Variants in NRG1 observed in about 807,000 individuals in gnomAD.
The protein encoded by NRG1 is pro-neuregulin-1, membrane-bound isoform.
In NRG1, 18 loss-of-function variants were observed where a neutral mutation model predicts 63.8. That is an observed-to-expected ratio of 0.28 (90% CI 0.19 to 0.42). The LOEUF is 0.42. Among genes scored for constraint, NRG1 ranks in the 10% least tolerant of loss-of-function variants. NRG1 has a pLI of 1.00. For missense variants in NRG1, 762 were observed against 814.7 expected (o/e 0.94, Z 0.79); for synonymous variants, 302 against 301.3 (o/e 1.00, Z -0.02).
intron 1 of NRG1, among the ~76,000 whole-genome samples, chr8:32,062,899 G>A (rs919759935): frequency 6.6e-6 from 1 of 151,970 alleles, no homozygotes; most frequent in Non-Finnish European, 1.5e-5. Flanking sequence ...TTTTGGTACT[G>A]TGTATTAGGT....
intron 1 of NRG1, among the ~76,000 whole-genome samples, chr8:32,044,661 G>A (rs575254071): frequency 4.6e-5 from 7 of 150,832 alleles, no homozygotes; most frequent in Non-Finnish European, 8.9e-5. Context: ...AGATGCCAGG[G>A]GAAAAAAATT....
chr8:32,518,374 A>G (rs949470827), intron 1 of NRG1, among the ~76,000 whole-genome samples: 11 of 152,210 alleles, frequency 7.2e-5, no homozygotes, highest in Non-Finnish European at 1.3e-4. Flanking sequence ...AGAAAATTCT[A>G]TTTTGAAATC....
chr8:32,379,661 T>C (rs563761370), intron 1 of NRG1, among the ~76,000 whole-genome samples: 1 of 152,332 alleles, frequency 6.6e-6, no homozygotes, highest in South Asian at 2.1e-4. Context: ...CACTGTAAGA[T>C]TGACATAGAC....
At chr8:32,069,309 A>G (rs549529764) in intron 1 of NRG1, among the ~76,000 whole-genome samples, 3 of 152,324 alleles carry the variant, frequency 2.0e-5, no homozygotes, top group Admixed American at 1.3e-4. Flanking sequence ...GGAATAAAGC[A>G]TATGTTATGG....
rs773398472 is a variant in NRG1, at chr8:32,196,943, CTTTTTTTTTTTTTT to C, written c.38-398864_38-398851del. ...CTACCAGGCCTGTTCTCAGAACATTCTTTTTTTTTTTTTTTTTTTTTTTTTTTTTTTTTTAAGAT... is the reference window on the plus strand; with the variant it reads ...CTACCAGGCCTGTTCTCAGAACATTCTTTTTTTTTTTTTTTTTTTTAAGAT... On this transcript the variant is annotated intron_variant, in intron 1 of 10. Transcript: ENST00000519301. Among the ~76,000 whole-genome samples, 29 of 27,440 alleles carry C rather than the reference CTTTTTTTTTTTTTT, an allele frequency of 1.1e-3. 1 individual carries two copies. Among genetic ancestry groups the C allele is most frequent in the Admixed American group, 4.7e-3 (6 of 1,268 alleles). The allele number at this position is 27,440 out of a possible 152,430, so 18.0% of individuals were successfully genotyped here. A position where few individuals can be genotyped will look rare whatever the true frequency, so the allele number is the denominator to read the frequency against.
intron 1 of NRG1, among the ~76,000 whole-genome samples, chr8:31,906,418 A>G (rs534042886): frequency 6.6e-6 from 1 of 152,178 alleles, no homozygotes; most frequent in Admixed American, 6.5e-5. Context: ...TGGAAGCTGG[A>G]GATGGAGATC....
At chr8:31,880,731 T>A (rs186234996) in intron 1 of NRG1, among the ~76,000 whole-genome samples, 1 of 152,356 alleles carries the variant, frequency 6.6e-6, no homozygotes, top group East Asian at 1.9e-4. Context: ...AGTTATTTTT[T>A]AAATATGAGA....
intron 5 of NRG1, among the ~76,000 whole-genome samples, chr8:32,726,523 C>T (rs112834513): frequency 6.6e-6 from 1 of 151,916 alleles, no homozygotes; most frequent in Admixed American, 6.6e-5. Context: ...TGCTGTTATT[C>T]GAAAAAGCCA....
chr8:32,719,262 T>C (rs1455830457), intron 5 of NRG1, among the ~76,000 whole-genome samples: 1 of 152,070 alleles, frequency 6.6e-6, no homozygotes, highest in Non-Finnish European at 1.5e-5. Context: ...AATATAAGCA[T>C]ATATTTAAAC....
chr8:31,756,978 A>G (rs765189797), intron 1 of NRG1, among the ~76,000 whole-genome samples: 2 of 152,198 alleles, frequency 1.3e-5, no homozygotes, highest in Non-Finnish European at 2.9e-5. Flanking sequence ...ACAAGGGGCC[A>G]GACATATTCA....
At chr8:32,626,792 G>A (rs113554961) in intron 5 of NRG1, among the ~76,000 whole-genome samples, 4,737 of 152,104 alleles carry the variant, frequency 0.031, 143 homozygotes, top group African/African-American at 0.082. Flanking sequence ...AGGCCAAGGC[G>A]GGCGGATCAC....
chr8:31,640,805 A>G lies in NRG1; in HGVS notation c.37+1374A>G. 5 of 1,431,870 alleles carry G rather than the reference A, an allele frequency of 3.5e-6. No homozygotes were observed. Among genetic ancestry groups the G allele is most frequent in the Non-Finnish European group, 4.6e-6 (5 of 1,093,886 alleles). 88.7% of individuals were successfully genotyped at this position (1,431,870 alleles called of 1,614,324 possible). The stretch of plus-strand genomic sequence containing the variant: ...CCGGGCGCGCGGGCAGCGGGGCTCG[A>G]CGGCCGCCCGAGCAAGGCAGAGGCG... On this transcript the variant is annotated intron_variant, in intron 1 of 10. Coordinates refer to the NRG1 transcript ENST00000519301. The surrounding 1 kb of genome is among the most constrained non-coding windows in gnomAD (Gnocchi z 6.3).
chr8:31,976,393 G>A (rs1274185125), intron 1 of NRG1, among the ~76,000 whole-genome samples: 12 of 152,080 alleles, frequency 7.9e-5, no homozygotes, highest in Admixed American at 3.3e-4. Flanking sequence ...TAGCTAATCT[G>A]TATATTAACC....
At chr8:31,843,406 T>C (rs1826380436) in intron 1 of NRG1, among the ~76,000 whole-genome samples, 1 of 152,196 alleles carries the variant, frequency 6.6e-6, no homozygotes, top group Admixed American at 6.5e-5. Context: ...ATTTCTCCAA[T>C]TTTCAGCTAA....
chr8:32,252,895 T>G (rs565579186), intron 1 of NRG1, among the ~76,000 whole-genome samples: 4 of 152,334 alleles, frequency 2.6e-5, no homozygotes, highest in African/African-American at 9.6e-5. Flanking sequence ...TAGTTCTCCT[T>G]GAAGACGTCC....
chr8:32,118,373 CCT>C (rs774906542), intron 1 of NRG1, among the ~76,000 whole-genome samples: 6 of 152,144 alleles, frequency 3.9e-5, no homozygotes, highest in Non-Finnish European at 7.4e-5. Context: ...TCTCTTGCTT[CCT>C]CTCTCTCCAT....
At chr8:32,457,524 T>G (rs1316548606) in intron 1 of NRG1, among the ~76,000 whole-genome samples, 2 of 152,162 alleles carry the variant, frequency 1.3e-5, no homozygotes, top group African/African-American at 4.8e-5. Context: ...TAAAAGGAAA[T>G]AGAAATCCCT....
At chr8:32,656,727 C>T (rs570822451) in intron 5 of NRG1, among the ~76,000 whole-genome samples, 14 of 152,074 alleles carry the variant, frequency 9.2e-5, no homozygotes, top group Non-Finnish European at 1.8e-4. Flanking sequence ...GCAGCCCCTT[C>T]GAAGCATAAA....
chr8:32,192,520 T>G (rs1842592226), intron 1 of NRG1, among the ~76,000 whole-genome samples: 1 of 152,028 alleles, frequency 6.6e-6, no homozygotes, highest in Admixed American at 6.6e-5. Flanking sequence ...GTTCTCACTT[T>G]TAAGTGGGCA....
Sources: gnomAD v4.1 joint callset for allele counts (sites outside exome capture counted in the v4.1 genomes callset) on GRCh38, gnomAD v4.1.1 for gene constraint, Gnocchi (gnomAD v3.1) non-coding constraint, MANE v1.5 for transcripts, NCBI Gene and HGNC (gene_info 2026-07-23, HGNC 2026-07-21) for gene names.